CSMD1: variants seen among roughly 807,000 people sequenced by gnomAD.
The protein encoded by CSMD1 is CUB and sushi domain-containing protein 1.
Under a neutral mutation model 417.5 loss-of-function variants are expected in CSMD1, and 213 were observed. The ratio of observed to expected loss-of-function variants is 0.51; its 90% confidence interval spans 0.46 to 0.57. The LOEUF is 0.57. Among genes scored for constraint, CSMD1 ranks in the 20% least tolerant of loss-of-function variants. The pLI is 0.00. For missense variants in CSMD1, 6,923 were observed against 4,529.7 expected, an observed-to-expected ratio of 1.53 and a Z score of -15.17; for synonymous variants, 2,862 against 1,736.8, an observed-to-expected ratio of 1.65 and a Z score of -16.11.
chr8:3,837,150 G>C (rs1377628411), intron 5 of CSMD1, among the ~76,000 whole-genome samples: 1 of 121,408 alleles, frequency 8.2e-6, no homozygotes. Context: ...AGTCACTAAA[G>C]GAAAAAAAAA....
At chr8:4,417,651 T>A (rs1347906748) in intron 3 of CSMD1, among the ~76,000 whole-genome samples, 1 of 151,982 alleles carries the variant, frequency 6.6e-6, no homozygotes, top group Non-Finnish European at 1.5e-5. Context: ...GTGGGTCAAA[T>A]AACAGGATCC....
chr8:4,402,429 G>A (rs552512482), intron 3 of CSMD1, among the ~76,000 whole-genome samples: 1 of 152,210 alleles, frequency 6.6e-6, no homozygotes, highest in South Asian at 2.1e-4. Context: ...TCCTGCAGCT[G>A]AGAGTGACTG....
intron 31 of CSMD1, among the ~76,000 whole-genome samples, chr8:3,204,671 T>G (rs914646037): frequency 6.6e-6 from 1 of 152,206 alleles, no homozygotes; most frequent in Admixed American, 6.5e-5. Context: ...TTGTCACATG[T>G]TAAAAATGCT....
At chr8:4,049,967 G>A (rs1369489341) in intron 3 of CSMD1, among the ~76,000 whole-genome samples, 1 of 152,142 alleles carries the variant, frequency 6.6e-6, no homozygotes, top group Non-Finnish European at 1.5e-5. Flanking sequence ...GGTGTCTCCT[G>A]GCTGGGGCAG....
At chr8:4,456,090 G>C (rs1462442828) in intron 2 of CSMD1, among the ~76,000 whole-genome samples, 2 of 137,314 alleles carry the variant, frequency 1.5e-5, no homozygotes, top group Non-Finnish European at 3.1e-5. Context: ...AAATGTGAAA[G>C]TACGTACTGC....
rs570406784 is a variant in CSMD1 at position 4,046,430 on chromosome 8, C to G, written c.416-14331G>C. Among the ~76,000 whole-genome samples, 43 of 152,226 alleles carry G rather than the reference C, an allele frequency of 2.8e-4. 1 individual carries two copies. Among genetic ancestry groups the G allele is most frequent in the African/African-American group, 1.0e-3 (43 of 41,544 alleles). Reference sequence around the variant, plus strand: ...TCATATTCATTCAAACCTAAATGTGCTTTCTGTTACTGAATTCACATAAAC... The same window carrying G: ...TCATATTCATTCAAACCTAAATGTGGTTTCTGTTACTGAATTCACATAAAC... On this transcript the variant is annotated intron_variant, in intron 3 of 69. Transcript: ENST00000635120.
intron 3 of CSMD1, among the ~76,000 whole-genome samples, chr8:4,164,447 C>G (rs1409892505): frequency 1.3e-5 from 2 of 152,098 alleles, no homozygotes; most frequent in East Asian, 3.9e-4. Flanking sequence ...CTGAAACAGC[C>G]TGGCATGCTT....
intron 2 of CSMD1, among the ~76,000 whole-genome samples, chr8:4,449,477 T>C (rs547285892): frequency 2.6e-5 from 4 of 152,352 alleles, no homozygotes; most frequent in South Asian, 4.1e-4. Flanking sequence ...AAAACCATCA[T>C]CCTTCAGTGT....
intron 5 of CSMD1, among the ~76,000 whole-genome samples, chr8:3,950,767 T>C (rs545736627): frequency 1.3e-5 from 2 of 152,326 alleles, no homozygotes; most frequent in African/African-American, 4.8e-5. Context: ...ACCTCATCGC[T>C]AACAAACAGT....
At chr8:3,763,184 C>A in intron 5 of CSMD1, among the ~76,000 whole-genome samples, 1 of 152,272 alleles carries the variant, frequency 6.6e-6, no homozygotes, top group East Asian at 1.9e-4. Context: ...GAGCCCTAGG[C>A]CAGTCCCACA....
chr8:3,240,324 G>A (rs981990916), intron 26 of CSMD1, among the ~76,000 whole-genome samples: 5 of 152,078 alleles, frequency 3.3e-5, no homozygotes, highest in African/African-American at 1.2e-4. Flanking sequence ...GGATCTATGG[G>A]GTCAGCAAGG....
intron 5 of CSMD1, among the ~76,000 whole-genome samples, chr8:3,900,537 G>A (rs1309116914): frequency 7.1e-6 from 1 of 140,656 alleles, no homozygotes; most frequent in Admixed American, 6.7e-5. Context: ...CTGGGTGACA[G>A]TGAAGCTAGG....
intron 30 of CSMD1, among the ~76,000 whole-genome samples, chr8:3,209,104 A>G (rs2116780394): frequency 6.6e-6 from 1 of 152,272 alleles, no homozygotes; most frequent in Admixed American, 6.5e-5. Context: ...TTGAAAAGTC[A>G]AAGATGAAAT....
At position 4,867,075 on chromosome 8, in the gene CSMD1, T is replaced by G. The variant is rs1802461505; in HGVS notation, c.85+127257A>C. On this transcript the variant is annotated intron_variant, in intron 1 of 69. Coordinates refer to ENST00000635120, the MANE Select transcript of CSMD1 (RefSeq NM_033225.6). The stretch of plus-strand genomic sequence containing the variant: ...TTAAGCCATACAGAAAGTAATATTT[T>G]GCTTAGAATTTAAGAAAATAAAGTG... Among the ~76,000 whole-genome samples, 4 of 152,200 alleles carry G rather than the reference T, an allele frequency of 2.6e-5. No homozygotes were observed. In the South Asian group the frequency reaches 8.3e-4, roughly 32 times the overall value.
intron 6 of CSMD1, among the ~76,000 whole-genome samples, chr8:3,752,492 T>C (rs1797392215): frequency 6.6e-6 from 1 of 151,682 alleles, no homozygotes; most frequent in Non-Finnish European, 1.5e-5. Context: ...CCATCTCTAC[T>C]AAAAATACAA....
At chr8:3,522,636 G>A (rs1294164508) in intron 10 of CSMD1, among the ~76,000 whole-genome samples, 1 of 151,948 alleles carries the variant, frequency 6.6e-6, no homozygotes, top group African/African-American at 2.4e-5. Context: ...TCACATGGCA[G>A]TACTTTATTG....
At chr8:3,225,269 T>C (rs112829656) in intron 27 of CSMD1, among the ~76,000 whole-genome samples, 12 of 152,312 alleles carry the variant, frequency 7.9e-5, no homozygotes, top group African/African-American at 2.9e-4. Flanking sequence ...TCTAACTGAA[T>C]GCAAACTCTG....
At chr8:4,320,464 C>G (rs879916255) in intron 3 of CSMD1, among the ~76,000 whole-genome samples, 5 of 152,100 alleles carry the variant, frequency 3.3e-5, no homozygotes, top group African/African-American at 1.2e-4. Context: ...ACCTATCAAC[C>G]TGCGATCTAC....
chr8:3,434,452 A>C (rs991336581), intron 12 of CSMD1, among the ~76,000 whole-genome samples: 1 of 152,236 alleles, frequency 6.6e-6, no homozygotes, highest in South Asian at 2.1e-4. Flanking sequence ...GCCTATATTA[A>C]AGAAAATAGT....
Sources: allele counts gnomAD v4.1 joint callset (sites outside exome capture counted in the v4.1 genomes callset), GRCh38; gene constraint gnomAD v4.1.1; transcripts MANE v1.5; gene names NCBI Gene and HGNC (gene_info 2026-07-23, HGNC 2026-07-21).